The following ERBB4 variants were observed in gnomAD, a reference collection of about 807,000 sequenced individuals.
The protein encoded by ERBB4 is erb-b2 receptor tyrosine kinase 4, also known as receptor tyrosine-protein kinase erbB-4.
ERBB4 carries 42 observed loss-of-function variants against 158.0 expected under a neutral mutation model. The observed-to-expected ratio is 0.27, with a 90% confidence interval of 0.21 to 0.34. The LOEUF (loss-of-function observed/expected upper bound fraction) is 0.34, where lower values mean the gene tolerates loss of function less well. Ranked by LOEUF, ERBB4 falls within the 10% of genes least tolerant of loss-of-function variation. The pLI is 1.00. For synonymous variants in ERBB4, 583 were observed against 558.7 expected (o/e 1.04, Z -0.61); for missense variants, 1,333 against 1,624.1 (o/e 0.82, Z 3.08).
chr2:211,856,457 C>T (rs1214363674), intron 3 of ERBB4, among the ~76,000 whole-genome samples: 5 of 151,820 alleles, frequency 3.3e-5, no homozygotes, highest in African/African-American at 9.7e-5. Context: ...ACAATCTCGG[C>T]TCACTGCAAG....
chr2:211,989,073 T>C (rs1483367841), intron 2 of ERBB4, among the ~76,000 whole-genome samples: 2 of 152,028 alleles, frequency 1.3e-5, no homozygotes, highest in Non-Finnish European at 1.5e-5. Flanking sequence ...TAGAACTATG[T>C]CCTTAACAAA....
intron 20 of ERBB4, among the ~76,000 whole-genome samples, chr2:211,491,045 G>A (rs1347672837): frequency 1.3e-5 from 2 of 152,032 alleles, no homozygotes; most frequent in Non-Finnish European, 2.9e-5. Context: ...GTCTATTTCA[G>A]GATATCCTGT....
chr2:212,347,243 A>G (rs1190554609), intron 1 of ERBB4, among the ~76,000 whole-genome samples: 2 of 152,160 alleles, frequency 1.3e-5, no homozygotes, highest in African/African-American at 4.8e-5. Context: ...TAATTTACCA[A>G]ATCTTCAACG....
At chr2:212,292,711 G>C (rs942537898) in intron 1 of ERBB4, among the ~76,000 whole-genome samples, 10 of 152,028 alleles carry the variant, frequency 6.6e-5, no homozygotes, top group African/African-American at 2.4e-4. Flanking sequence ...ATGGATTATG[G>C]CACTGTATTA....
intron 2 of ERBB4, among the ~76,000 whole-genome samples, chr2:212,008,929 C>T (rs1214262382): frequency 6.6e-6 from 1 of 152,138 alleles, no homozygotes; most frequent in East Asian, 1.9e-4. Context: ...TGACATTTAT[C>T]TTAGCCCCTG....
At chr2:211,794,333 C>T (rs1206907396) in intron 3 of ERBB4, among the ~76,000 whole-genome samples, 1 of 151,872 alleles carries the variant, frequency 6.6e-6, no homozygotes, top group African/African-American at 2.4e-5. Context: ...ACCCGAGCCA[C>T]TTATCTGACA....
At chr2:211,795,446 T>C (rs2076363869) in intron 3 of ERBB4, among the ~76,000 whole-genome samples, 1 of 151,932 alleles carries the variant, frequency 6.6e-6, no homozygotes, top group Admixed American at 6.6e-5. Context: ...GCAAGGAATA[T>C]GCTTCTTTTG....
intron 1 of ERBB4, among the ~76,000 whole-genome samples, chr2:212,468,050 A>G (rs1312912879): frequency 6.6e-6 from 1 of 152,110 alleles, no homozygotes; most frequent in Non-Finnish European, 1.5e-5. Context: ...TGTTTTGGCC[A>G]ATTTCTCCCA....
At chr2:211,907,713 A>AT (rs909270905) in intron 3 of ERBB4, among the ~76,000 whole-genome samples, 2 of 151,522 alleles carry the variant, frequency 1.3e-5, no homozygotes, top group African/African-American at 4.8e-5. Flanking sequence ...GACTATACCT[A>AT]TTTAAAAAAA....
intron 2 of ERBB4, among the ~76,000 whole-genome samples, chr2:211,953,461 T>C (rs1455537485): frequency 3.4e-5 from 4 of 117,018 alleles, no homozygotes; most frequent in Non-Finnish European, 6.6e-5. Context: ...TAAAGGTTTT[T>C]CTCCAAAAAA....
At chr2:212,063,880 C>T (rs1023596575) in intron 2 of ERBB4, among the ~76,000 whole-genome samples, 1 of 152,010 alleles carries the variant, frequency 6.6e-6, no homozygotes, top group African/African-American at 2.4e-5. Context: ...CCTTGAATGC[C>T]CTCCCTCAGG....
chr2:212,379,003 T>C (rs1398382250), intron 1 of ERBB4, among the ~76,000 whole-genome samples: 4 of 151,826 alleles, frequency 2.6e-5, no homozygotes, highest in Admixed American at 6.6e-5. Flanking sequence ...ATTTTAAATG[T>C]CATTACATTT....
chr2:211,481,827 T>C (rs2065090208), intron 20 of ERBB4, among the ~76,000 whole-genome samples: 1 of 152,194 alleles, frequency 6.6e-6, no homozygotes, highest in African/African-American at 2.4e-5. Context: ...CTGGTTAAGA[T>C]GGAGCAACAT....
At chr2:212,534,032 T>A (rs991080503) in intron 1 of ERBB4, among the ~76,000 whole-genome samples, 10 of 152,216 alleles carry the variant, frequency 6.6e-5, no homozygotes, top group Non-Finnish European at 1.2e-4. Flanking sequence ...TCCGTTTTGA[T>A]CATTTATTTC....
At chr2:212,318,133 C>T (rs1299121613) in intron 1 of ERBB4, among the ~76,000 whole-genome samples, 1 of 151,428 alleles carries the variant, frequency 6.6e-6, no homozygotes, top group African/African-American at 2.4e-5. Context: ...AACTGAGTCT[C>T]AGAAGTATTA....
rs2106327330 is a variant in ERBB4, at chr2:212,525,634, A to T, written c.82+12815T>A. ...GTTTTCTCTAGAACCACATTTCCAC[A>T]AATGTTACACATCTGGTGAACATTT... is the stretch of plus-strand genomic sequence containing the variant. On this transcript the variant is annotated intron_variant, in intron 1 of 27. Coordinates refer to ENST00000342788, the MANE Select transcript of ERBB4 (RefSeq NM_005235.3). 1.3e-5 allele frequency among the ~76,000 whole-genome samples: 2 copies of T among 151,754 alleles called. 1 individual carries two copies. Among genetic ancestry groups the T allele is most frequent in the South Asian group, 4.1e-4 (2 of 4,820 alleles).
chr2:211,835,014 C>T (rs929630512), intron 3 of ERBB4, among the ~76,000 whole-genome samples: 1 of 152,066 alleles, frequency 6.6e-6, no homozygotes, highest in South Asian at 2.1e-4. Flanking sequence ...AACATGTCAA[C>T]CACAATCCTT....
chr2:211,438,429 A>C (rs1270998310), intron 20 of ERBB4, among the ~76,000 whole-genome samples: 1 of 152,106 alleles, frequency 6.6e-6, no homozygotes, highest in Non-Finnish European at 1.5e-5. Flanking sequence ...TAGCTATGTG[A>C]TTTTGGTCAA....
chr2:212,416,122 T>C (rs960365680), intron 1 of ERBB4, among the ~76,000 whole-genome samples: 4 of 152,120 alleles, frequency 2.6e-5, no homozygotes, highest in Admixed American at 6.6e-5. Flanking sequence ...GTATTGCTAG[T>C]GTGATTGAAG....
Sources: gnomAD v4.1 joint callset for allele counts (sites outside exome capture counted in the v4.1 genomes callset) on GRCh38, gnomAD v4.1.1 for gene constraint, MANE v1.5 for transcripts, NCBI Gene and HGNC (gene_info 2026-07-23, HGNC 2026-07-21) for gene names.